The following NCOR1 variants were observed in gnomAD, a reference collection of about 807,000 sequenced individuals.
NCOR1 encodes the protein protein phosphatase 1, regulatory subunit 109.
A neutral mutation model predicts 288.1 loss-of-function variants in NCOR1; 63 were observed. That is an observed-to-expected ratio of 0.22 (90% confidence interval 0.18 to 0.27). The LOEUF (loss-of-function observed/expected upper bound fraction) is 0.27, where lower values mean the gene tolerates loss of function less well. Ranked by LOEUF, NCOR1 falls within the 10% of genes least tolerant of loss-of-function variation. The probability of loss-of-function intolerance (pLI) is 1.00; values close to 1 mark genes in which losing one functional copy is unlikely to be tolerated. For missense variants in NCOR1, 2,397 were observed against 3,019.2 expected, an observed-to-expected ratio of 0.79 and a Z score of 4.83; for synonymous variants, 1,007 against 1,065.9, an observed-to-expected ratio of 0.94 and a Z score of 1.08.
At chr17:16,124,940 TATA>T (rs1450241398) in intron 15 of NCOR1, among the ~76,000 whole-genome samples, 2 of 152,228 alleles carry the variant, frequency 1.3e-5, no homozygotes, top group Non-Finnish European at 2.9e-5. Context: ...TATATATTAC[TATA>T]ACCCATCCCT....
rs56656038 is a variant in NCOR1, at chr17:16,177,225, T to C, written c.243-5230A>G. Reference sequence around the variant, plus strand: ...ACATTTAGCCCATCTGGCTGTCTTATCATTTTGTTTTTGAATACTTCATTA... The same window carrying C: ...ACATTTAGCCCATCTGGCTGTCTTACCATTTTGTTTTTGAATACTTCATTA... On this transcript the variant is annotated intron_variant, in intron 3 of 45. Coordinates refer to ENST00000268712, the MANE Select transcript of NCOR1 (RefSeq NM_006311.4). Among the ~76,000 whole-genome samples, 1,076 of 152,180 alleles carry C rather than the reference T, an allele frequency of 7.1e-3. 25 individuals carry two copies. Among genetic ancestry groups the C allele is most frequent in the African/African-American group, 0.025 (1,033 of 41,438 alleles).
intron 1 of NCOR1, among the ~76,000 whole-genome samples, chr17:16,213,489 C>CA (rs537795184): frequency 0.033 from 2,561 of 78,042 alleles, 125 homozygotes; most frequent in African/African-American, 0.068. Context: ...AAGACTGTCT[C>CA]AAAAAAAAAA....
In NCOR1 at chr17:16,158,884, CAGAA is replaced by C. The variant is rs767159153; in HGVS notation, c.619-15_619-12del. On this transcript the variant is annotated splice_polypyrimidine_tract_variant and intron_variant, in intron 5 of 45. Transcript: ENST00000268712. ...TTCTTCAAGCTGTTGCTAAGAGATC[CAGAA>C]AGAAAGAGTCAAGCATGTGCTGCAC... 60 of 1,601,440 alleles carry C rather than the reference CAGAA, an allele frequency of 3.7e-5. No individual in the cohort carries two copies. The highest frequency in any genetic ancestry group is 3.3e-4 in the Middle Eastern group (2 of 6,040).
intron 26 of NCOR1, among the ~76,000 whole-genome samples, chr17:16,079,072 A>G (rs886350475): frequency 9.2e-5 from 14 of 152,160 alleles, no homozygotes; most frequent in East Asian, 3.9e-4. Context: ...AGTGATGCCA[A>G]TGCTCTGGTG....
rs2152864351 is a variant in NCOR1 at position 16,086,440 on chromosome 17, G to A, written c.3019C>T (p.Leu1007Phe). The A allele has an allele frequency of 1.2e-6, 2 of 1,608,864 alleles. No homozygotes were observed. Among genetic ancestry groups the A allele is most frequent in the Non-Finnish European group, 1.7e-6 (2 of 1,176,328 alleles). The change falls in exon 23 of 46, where the codon CTT becomes TTT. Residue 1007 changes from leucine to phenylalanine, a missense_variant and splice_region_variant. This residue lies in a region of NCOR1 where 1,872 missense variants were observed against 2,187.8 expected (regional missense o/e 0.86). Coordinates refer to ENST00000268712, the MANE Select transcript of NCOR1 (RefSeq NM_006311.4). ...ATCACTTGATGTGGAGCAGGCTGAA[G>A]GACTTTTAAAAGGAAAGAAAAATGA... Reference protein sequence around the residue: ...SKSPNREWEVLQPAPHQVITN... With the variant: ...SKSPNREWEVFQPAPHQVITN...
At chr17:16,131,548 G>A (rs767896433) in intron 14 of NCOR1, among the ~76,000 whole-genome samples, 5 of 151,894 alleles carry the variant, frequency 3.3e-5, no homozygotes, top group African/African-American at 4.8e-5. Context: ...GCCAAAAAAC[G>A]AAATTACTAA....
chr17:16,144,974 G>A (rs942241758), intron 10 of NCOR1, among the ~76,000 whole-genome samples: 1 of 152,178 alleles, frequency 6.6e-6, no homozygotes, highest in Non-Finnish European at 1.5e-5. Flanking sequence ...AAGCTGGACT[G>A]TACTGCCATG....
chr17:16,072,083 G>A, intron 29 of NCOR1, 62 bp downstream of exon 29: 1 of 1,280,862 alleles, frequency 7.8e-7, no homozygotes. Context: ...GTAAATTAAT[G>A]TCAAACTATT....
intron 5 of NCOR1, among the ~76,000 whole-genome samples, chr17:16,162,353 C>G (rs1275694526): frequency 2.0e-5 from 3 of 151,012 alleles, no homozygotes; most frequent in Non-Finnish European, 4.4e-5. Flanking sequence ...ATAAGTAGAA[C>G]AAGAAACTGT....
intron 23 of NCOR1, among the ~76,000 whole-genome samples, chr17:16,082,005 G>A (rs1384414281): frequency 6.6e-6 from 1 of 152,190 alleles, no homozygotes; most frequent in Non-Finnish European, 1.5e-5. Flanking sequence ...AACACATAAA[G>A]AGCACCCCTC....
At chr17:16,058,723 T>G (rs1051902375) in intron 37 of NCOR1, 124 bp from the exon 38 acceptor site, 2 of 1,041,490 alleles carry the variant, frequency 1.9e-6, no homozygotes, top group East Asian at 2.5e-5. Context: ...TCCAGGTTAA[T>G]GAGGGTTTTC....
At position 16,092,685 on chromosome 17, in the gene NCOR1, ATATATATATATTTTTTTTTTT is replaced by A. The variant is rs1206389363; in HGVS notation, c.2821-648_2821-628del. On this transcript the variant is annotated intron_variant, in intron 21 of 45. Transcript: ENST00000268712. ...TATATATATATATATATATATATAT[ATATATATATATTTTTTTTTTT>A]TTTTTTTTTTAAGACATAGTCTCAC... Among the ~76,000 whole-genome samples, 26 of 13,846 alleles carry A rather than the reference ATATATATATATTTTTTTTTTT, an allele frequency of 1.9e-3. 1 individual carries two copies. The South Asian group carries it at 0.082, about 44-fold the overall frequency. The allele number at this position is 13,846 out of a possible 152,430, so 9.1% of individuals were successfully genotyped here.
intron 14 of NCOR1, among the ~76,000 whole-genome samples, chr17:16,129,521 T>C (rs1393414106): frequency 6.6e-6 from 1 of 152,198 alleles, no homozygotes; most frequent in Non-Finnish European, 1.5e-5. Context: ...ACTAGGGAGA[T>C]TTTAAAATTT....
intron 11 of NCOR1, among the ~76,000 whole-genome samples, chr17:16,142,666 T>C (rs1370640104): frequency 2.0e-5 from 3 of 152,200 alleles, no homozygotes; most frequent in African/African-American, 7.2e-5. Flanking sequence ...GATGACACTT[T>C]AGCTGATCAT....
At chr17:16,086,482 T>A in intron 22 of NCOR1, 40 bp from the exon 23 acceptor site, 1 of 1,561,092 alleles carries the variant, frequency 6.4e-7, no homozygotes, top group East Asian at 2.3e-5. Flanking sequence ...ACTAGTCCAT[T>A]TCCTAGTTTA....
At chr17:16,051,914 AAAATAAAT>A (rs538799300) in intron 40 of NCOR1, among the ~76,000 whole-genome samples, 1 of 152,136 alleles carries the variant, frequency 6.6e-6, no homozygotes, top group Admixed American at 6.5e-5. Flanking sequence ...TCCTTCTCAA[AAAATAAAT>A]AAATAAATAA....
intron 42 of NCOR1, chr17:16,044,828 C>G: frequency 9.3e-7 from 1 of 1,074,772 alleles, no homozygotes; most frequent in Non-Finnish European, 1.4e-6. Context: ...TGGACCTGCT[C>G]CAGCAGCTGG....
chr17:16,132,318 C>T (rs958036744), intron 14 of NCOR1, among the ~76,000 whole-genome samples: 1 of 152,196 alleles, frequency 6.6e-6, no homozygotes, highest in African/African-American at 2.4e-5. Context: ...TGCACAGTGA[C>T]AGACTTACCA....
At chr17:16,214,021 T>C (rs549997137) in intron 1 of NCOR1, among the ~76,000 whole-genome samples, 17 of 152,146 alleles carry the variant, frequency 1.1e-4, no homozygotes, top group Non-Finnish European at 1.6e-4. Context: ...CTGGGTACTA[T>C]AAATATTAAA....
Sources: gnomAD v4.1 joint callset for allele counts (sites outside exome capture counted in the v4.1 genomes callset) on GRCh38, gnomAD v4.1.1 for gene constraint, gnomAD v4.1.1 regional missense constraint, MANE v1.5 for transcripts, NCBI Gene and HGNC (gene_info 2026-07-23, HGNC 2026-07-21) for gene names.